ORC3: variants seen among roughly 807,000 people sequenced by gnomAD.
ORC3 encodes homolog of latheo, Drosophila.
In ORC3, 78 loss-of-function variants were observed where a neutral mutation model predicts 100.7. The ratio of observed to expected loss-of-function variants is 0.77; its 90% CI spans 0.65 to 0.94. The LOEUF (loss-of-function observed/expected upper bound fraction) is 0.94, where lower values mean the gene tolerates loss of function less well. Ranked by LOEUF, ORC3 falls within the 40% of genes least tolerant of loss-of-function variation. The pLI is 0.00. For synonymous variants in ORC3, 295 were observed against 289.3 expected, an observed-to-expected ratio of 1.02 and a Z score of -0.20; for missense variants, 789 against 823.9, an observed-to-expected ratio of 0.96 and a Z score of 0.52.
At chr6:87,676,033 A>C in the ORC3 span, 1 of 950,450 alleles carries the variant, frequency 1.1e-6, no homozygotes, top group African/African-American at 1.6e-5. Flanking sequence ...TAAGTTGACA[A>C]AATCACTTAC....
chr6:87,627,195 C>G (rs998920572), intron 11 of ORC3, among the ~76,000 whole-genome samples: 1 of 149,862 alleles, frequency 6.7e-6, no homozygotes, highest in Non-Finnish European at 1.5e-5. Context: ...GACAGGGTTT[C>G]ACCATGTTGG....
At chr6:87,649,419 A>G (rs1310833802) in intron 13 of ORC3, among the ~76,000 whole-genome samples, 1 of 152,218 alleles carries the variant, frequency 6.6e-6, no homozygotes, top group African/African-American at 2.4e-5. Flanking sequence ...TTTTAGAACA[A>G]TTATTCCAGA....
intron 11 of ORC3, among the ~76,000 whole-genome samples, chr6:87,634,356 A>G (rs564639279): frequency 6.6e-6 from 1 of 152,254 alleles, no homozygotes; most frequent in South Asian, 2.1e-4. Context: ...TCCCCTTCAA[A>G]CACACTAACA....
chr6:87,619,150 T>A (rs1452288355), intron 9 of ORC3, among the ~76,000 whole-genome samples: 1 of 151,990 alleles, frequency 6.6e-6, no homozygotes, highest in African/African-American at 2.4e-5. Context: ...AAAAGGAGAC[T>A]AAAAACAAGG....
At chr6:87,642,159 G>T (rs1768313361) in intron 13 of ORC3, among the ~76,000 whole-genome samples, 1 of 152,160 alleles carries the variant, frequency 6.6e-6, no homozygotes, top group Non-Finnish European at 1.5e-5. Flanking sequence ...ATATGAGCGT[G>T]GTGGTGCATG....
downstream of ORC3, among the ~76,000 whole-genome samples, chr6:87,671,554 GA>G (rs1770832055): frequency 7.2e-5 from 11 of 151,788 alleles, no homozygotes; most frequent in South Asian, 2.3e-3. Flanking sequence ...TGAGTACTAA[GA>G]GAGGAGGCAA....
chr6:87,613,756 A>G (rs1727456734), intron 8 of ORC3, among the ~76,000 whole-genome samples: 1 of 152,192 alleles, frequency 6.6e-6, no homozygotes, highest in South Asian at 2.1e-4. Flanking sequence ...ACAGCTCCAG[A>G]TGATCTCCTT....
intron 2 of ORC3, among the ~76,000 whole-genome samples, chr6:87,601,488 T>C (rs1777890779): frequency 6.6e-6 from 1 of 152,082 alleles, no homozygotes; most frequent in Non-Finnish European, 1.5e-5. Flanking sequence ...CTGGCCAACA[T>C]GGTGAAACCC....
chr6:87,639,172 A>G (rs1040066769), intron 13 of ORC3, among the ~76,000 whole-genome samples: 2 of 152,190 alleles, frequency 1.3e-5, no homozygotes, highest in South Asian at 2.1e-4. Context: ...TCCAAAATGC[A>G]GAACACTTCT....
intron 13 of ORC3, among the ~76,000 whole-genome samples, chr6:87,642,837 G>A (rs1344361756): frequency 2.0e-5 from 3 of 151,966 alleles, no homozygotes; most frequent in Admixed American, 1.3e-4. Context: ...AGGAGGTGGA[G>A]CTTGCAGTGA....
At chr6:87,624,081 CTT>C (rs2128267645) in intron 11 of ORC3, among the ~76,000 whole-genome samples, 1 of 152,204 alleles carries the variant, frequency 6.6e-6, no homozygotes, top group East Asian at 1.9e-4. Context: ...TTTCTAGAGA[CTT>C]ATACAGTGAG....
In ORC3 at chr6:87,634,974, T is replaced by A. The variant is rs1255845454; in HGVS notation, c.1302+13T>A. The A allele has an allele frequency of 8.2e-7, 1 of 1,219,202 alleles. No individual in the cohort carries two copies. The highest frequency in any genetic ancestry group is 1.2e-6 in the Non-Finnish European group (1 of 819,716). 75.5% of individuals were successfully genotyped at this position (1,219,202 alleles called of 1,614,324 possible). ...ACTAGGTCGACAGGTAATCCAAGCCTCCTCATTTGTAATCCATGAAGTAGG... is the reference window on the plus strand; with the variant it reads ...ACTAGGTCGACAGGTAATCCAAGCCACCTCATTTGTAATCCATGAAGTAGG... On this transcript the variant is annotated intron_variant, in intron 12 of 19. Coordinates refer to ENST00000392844, the MANE Select transcript of ORC3 (RefSeq NM_012381.4).
the ORC3 span, among the ~76,000 whole-genome samples, chr6:87,672,622 C>T: frequency 6.6e-6 from 1 of 152,154 alleles, no homozygotes; most frequent in Non-Finnish European, 1.5e-5. Flanking sequence ...ATTTCCAACC[C>T]TAGCTGCTTA....
chr6:87,670,097 A>G (rs1018627024), downstream of ORC3, among the ~76,000 whole-genome samples: 1 of 152,234 alleles, frequency 6.6e-6, no homozygotes, highest in African/African-American at 2.4e-5. Context: ...TATCCAACAT[A>G]AACGCATGTC....
intron 11 of ORC3, among the ~76,000 whole-genome samples, chr6:87,629,462 T>C (rs35925514): frequency 0.032 from 4,815 of 152,338 alleles, 100 homozygotes; most frequent in Middle Eastern, 0.054. Flanking sequence ...TTTTTTTCTT[T>C]ACCTGTATAA....
At chr6:87,661,426 C>T (rs1770169028) in intron 16 of ORC3, among the ~76,000 whole-genome samples, 1 of 152,136 alleles carries the variant, frequency 6.6e-6, no homozygotes, top group African/African-American at 2.4e-5. Context: ...AGGAGCAGCA[C>T]CTAGAATTAG....
At chr6:87,635,769 A>G (rs558711474) in intron 12 of ORC3, among the ~76,000 whole-genome samples, 10 of 151,878 alleles carry the variant, frequency 6.6e-5, no homozygotes, top group Admixed American at 4.6e-4. Flanking sequence ...TCCAGCCTGG[A>G]TGACAGAGTG....
intron 2 of ORC3, among the ~76,000 whole-genome samples, chr6:87,597,417 G>A (rs536877822): frequency 2.0e-5 from 3 of 151,964 alleles, no homozygotes; most frequent in Non-Finnish European, 2.9e-5. Context: ...ACCCTAACCC[G>A]GATCAATTGA....
chr6:87,635,117 T>C (rs1402512140), intron 12 of ORC3, among the ~76,000 whole-genome samples, 156 bp downstream of exon 12: 15 of 152,200 alleles, frequency 9.9e-5, no homozygotes, highest in Non-Finnish European at 4.4e-5. Flanking sequence ...ACATTACTGG[T>C]AATTGATATT....
Sources: allele counts gnomAD v4.1 joint callset (sites outside exome capture counted in the v4.1 genomes callset), GRCh38; gene constraint gnomAD v4.1.1; transcripts MANE v1.5; gene names NCBI Gene and HGNC (gene_info 2026-07-23, HGNC 2026-07-21).